Variants in SVIL observed in about 807,000 individuals in gnomAD.
SVIL encodes the protein supervillin, also known as archvillin.
A neutral mutation model predicts 240.4 loss-of-function variants in SVIL; 101 were observed. The observed-to-expected ratio is 0.42, with a 90% CI of 0.36 to 0.50. The LOEUF is 0.50. SVIL is among the 20% of genes least tolerant of loss of function. The probability of loss-of-function intolerance (pLI) is 0.01; values close to 1 mark genes in which losing one functional copy is unlikely to be tolerated. For missense variants in SVIL, 2,512 were observed against 2,818.7 expected (o/e 0.89, Z 2.46); for synonymous variants, 999 against 1,100.0 (o/e 0.91, Z 1.82).
chr10:29,491,606 T>TC (rs767663304), intron 21 of SVIL, among the ~76,000 whole-genome samples: 15 of 152,144 alleles, frequency 9.9e-5, no homozygotes, highest in Non-Finnish European at 1.8e-4. Flanking sequence ...CCCGCAACCA[T>TC]CTGTGACCAC....
intron 2 of SVIL, among the ~76,000 whole-genome samples, chr10:29,680,776 G>T (rs960808925): frequency 6.6e-6 from 1 of 152,100 alleles, no homozygotes; most frequent in Non-Finnish European, 1.5e-5. Flanking sequence ...AAAATTAGCT[G>T]GGCGTAGTGG....
At chr10:29,488,511 A>G in intron 23 of SVIL, 90 bp downstream of exon 23, 1 of 1,375,642 alleles carries the variant, frequency 7.3e-7, no homozygotes, top group Non-Finnish European at 9.5e-7. Flanking sequence ...CTTTCCCGGC[A>G]CAGGCAATGA....
intron 1 of SVIL, chr10:29,711,834 GATATT>G (rs1378031816): frequency 1.3e-5 from 2 of 151,698 alleles, no homozygotes; most frequent in African/African-American, 2.4e-5. Context: ...AATTGGAAAA[GATATT>G]AGAGCAGCTG....
intron 17 of SVIL, among the ~76,000 whole-genome samples, chr10:29,507,172 T>C (rs1949425203): frequency 6.6e-6 from 1 of 152,016 alleles, no homozygotes; most frequent in African/African-American, 2.4e-5. Context: ...ATAGGGTCAC[T>C]GGAGGGGCCT....
intron 17 of SVIL, among the ~76,000 whole-genome samples, chr10:29,506,258 C>G (rs551576211): frequency 1.3e-5 from 2 of 152,094 alleles, no homozygotes; most frequent in Admixed American, 1.3e-4. Context: ...GCTCATTTCC[C>G]CCGTTCGTGA....
At chr10:29,508,518 G>C in intron 17 of SVIL, 1 of 660,612 alleles carries the variant, frequency 1.5e-6, no homozygotes, top group East Asian at 6.6e-5. Flanking sequence ...TCACACAATA[G>C]GGTGATGTGA....
chr10:29,654,822 G>A (rs544971057), intron 3 of SVIL, among the ~76,000 whole-genome samples: 12 of 152,302 alleles, frequency 7.9e-5, no homozygotes, highest in African/African-American at 2.4e-4. Context: ...GGCCACTGGT[G>A]CACATGCCAG....
chr10:29,688,405 C>G (rs1318011512), intron 1 of SVIL, among the ~76,000 whole-genome samples: 4 of 152,200 alleles, frequency 2.6e-5, no homozygotes, highest in Non-Finnish European at 5.9e-5. Context: ...TCTGAAGATG[C>G]CGTTCAGATC....
intron 17 of SVIL, among the ~76,000 whole-genome samples, chr10:29,511,997 C>G (rs1011184136): frequency 6.6e-6 from 1 of 152,152 alleles, no homozygotes; most frequent in Non-Finnish European, 1.5e-5. Context: ...TAGAAAGTGA[C>G]CAGGGAGTGT....
rs1947239374 is a variant in SVIL at position 29,484,836 on chromosome 10, G to A, written c.4780-5C>T. The A allele has an allele frequency of 6.3e-7, 1 of 1,597,266 alleles. No individual in the cohort carries two copies. Among genetic ancestry groups the A allele is most frequent in the Non-Finnish European group, 8.5e-7 (1 of 1,172,108 alleles). ...ACCAAAATCAAACACCAGTACCTGG[G>A]AGAAATGGCACAAAAGAATTTGTTA... is the stretch of plus-strand genomic sequence containing the variant. On this transcript the variant is annotated splice_polypyrimidine_tract_variant and splice_region_variant and intron_variant, in intron 26 of 37. Transcript: ENST00000355867. This position sits in a 1 kb window ranked among gnomAD's most constrained non-coding sequence, Gnocchi z 4.7.
chr10:29,696,315 C>T (rs1313821452), intron 1 of SVIL, among the ~76,000 whole-genome samples: 1 of 152,100 alleles, frequency 6.6e-6, no homozygotes, highest in Non-Finnish European at 1.5e-5. Context: ...CCTCCACCTC[C>T]CAGCCGCCTG....
rs78011410 is a variant in SVIL at position 29,622,820 on chromosome 10, A to G, written c.-201+11600T>C. 7.3e-3 allele frequency among the ~76,000 whole-genome samples: 1,108 copies of G among 152,330 alleles called. 9 individuals carry two copies. Among genetic ancestry groups the G allele is most frequent in the African/African-American group, 0.022 (901 of 41,572 alleles). ...CCCAAACCACTCTGTCCCGGAATTC[A>G]AAGCACCTCCATGCAAACCGCTCCC... On this transcript the variant is annotated intron_variant, in intron 1 of 37. Coordinates refer to ENST00000355867, the MANE Select transcript of SVIL (RefSeq NM_021738.3).
At chr10:29,572,093 A>G (rs1564659125) in intron 1 of SVIL, among the ~76,000 whole-genome samples, 2 of 152,200 alleles carry the variant, frequency 1.3e-5, no homozygotes, top group African/African-American at 2.4e-5. Context: ...GTGTGGAGTT[A>G]GTATCCTGTG....
At chr10:29,460,696 C>A (rs998843098) in intron 36 of SVIL, among the ~76,000 whole-genome samples, 74 of 152,122 alleles carry the variant, frequency 4.9e-4, no homozygotes, top group African/African-American at 1.7e-3. Flanking sequence ...ATGGCTTGAG[C>A]TCAGGAGTTC....
chr10:29,585,023 T>A (rs1956106043), intron 1 of SVIL, among the ~76,000 whole-genome samples: 1 of 151,610 alleles, frequency 6.6e-6, no homozygotes, highest in South Asian at 2.1e-4. Flanking sequence ...CACCTCAGCC[T>A]CCCAAGTAGC....
intron 3 of SVIL, among the ~76,000 whole-genome samples, chr10:29,560,314 G>A (rs1564640361): frequency 6.6e-6 from 1 of 152,192 alleles, no homozygotes; most frequent in Non-Finnish European, 1.5e-5. Flanking sequence ...CTGTGCCGAT[G>A]GAGGCAGAAC....
At chr10:29,673,610 G>C (rs1012109060) in intron 2 of SVIL, among the ~76,000 whole-genome samples, 1 of 145,736 alleles carries the variant, frequency 6.9e-6, no homozygotes, top group South Asian at 2.2e-4. Context: ...AGAGAGCTAG[G>C]GGGGAACTGC....
intron 1 of SVIL, among the ~76,000 whole-genome samples, chr10:29,613,857 G>A (rs1457009511): frequency 1.3e-5 from 2 of 152,080 alleles, no homozygotes; most frequent in Non-Finnish European, 2.9e-5. Flanking sequence ...TTGACCTAAG[G>A]GTACTAAAAT....
chr10:29,488,476 A>G (rs1010273975), intron 23 of SVIL, 125 bp downstream of exon 23: 11 of 1,154,354 alleles, frequency 9.5e-6, no homozygotes, highest in South Asian at 2.0e-5. Flanking sequence ...GGAACACACA[A>G]TAAGTTCTCA....
Sources: gnomAD v4.1 joint callset for allele counts (sites outside exome capture counted in the v4.1 genomes callset) on GRCh38, gnomAD v4.1.1 for gene constraint, Gnocchi (gnomAD v3.1) non-coding constraint, MANE v1.5 for transcripts, NCBI Gene and HGNC (gene_info 2026-07-23, HGNC 2026-07-21) for gene names.